The following ASPG variants were observed in gnomAD, a reference collection of about 807,000 sequenced individuals.
ASPG encodes asparaginase, also known as 60 kDa lysophospholipase.
ASPG carries 53 observed loss-of-function variants against 63.2 expected under a neutral mutation model. The observed-to-expected ratio is 0.84, with a 90% CI of 0.67 to 1.05. The LOEUF (loss-of-function observed/expected upper bound fraction) is 1.05, where lower values mean the gene tolerates loss of function less well. ASPG is among the 50% of genes least tolerant of loss of function. ASPG has a pLI of 0.00. For missense variants in ASPG, 741 were observed against 794.4 expected, an observed-to-expected ratio of 0.93 and a Z score of 0.81; for synonymous variants, 370 against 355.0, an observed-to-expected ratio of 1.04 and a Z score of -0.48.
rs1183822211 is a variant in ASPG at position 104,111,919 on chromosome 14, G to A, written c.1621-1G>A. 7 of 1,553,202 alleles carry A rather than the reference G, an allele frequency of 4.5e-6. No homozygotes were observed. Among genetic ancestry groups the A allele is most frequent in the Non-Finnish European group, 6.1e-6 (7 of 1,148,092 alleles). Reference sequence around the variant, plus strand: ...AGCCCCTCCCCACTGCTTCCCCATAGGCAGAGGCAGCCGGGAACCTGGCAG... The same window carrying A: ...AGCCCCTCCCCACTGCTTCCCCATAAGCAGAGGCAGCCGGGAACCTGGCAG... On this transcript the variant is annotated splice_acceptor_variant, in intron 14 of 15. Transcript: ENST00000551177. LOFTEE classifies it high-confidence loss of function.
chr14:104,115,175 TC>T lies in ASPG; in HGVS notation c.*2633del, dbSNP rs1596120592. The T allele has an allele frequency of 6.6e-6, 1 of 152,198 alleles. No homozygotes were observed. Among genetic ancestry groups the T allele is most frequent in the East Asian group, 1.9e-4 (1 of 5,200 alleles). The allele number at this position is 152,198 out of a possible 1,614,324, so 9.4% of individuals were successfully genotyped here. ...AATCAGACTCCTCAGCTGAGGGCCC[TC>T]CAGGACCGCCCTTCCCCAGCTGGAG... On this transcript the variant is annotated 3_prime_UTR_variant, in exon 16 of 16. Transcript: ENST00000551177.
rs1279049003 is a variant in ASPG, at chr14:104,097,640, A to C, written c.513+3A>C. The C allele has an allele frequency of 1.3e-5, 21 of 1,560,814 alleles. No homozygotes were observed. Among genetic ancestry groups the C allele is most frequent in the Middle Eastern group, 1.8e-4 (1 of 5,624 alleles). On this transcript the variant is annotated splice_donor_region_variant and intron_variant, in intron 5 of 15. Transcript: ENST00000551177. ...CTGGCCAGTATGTGATCCCAGAGGTACCTGCCTGGTGCACGTGGAGGCGGG... is the reference window on the plus strand; with the variant it reads ...CTGGCCAGTATGTGATCCCAGAGGTCCCTGCCTGGTGCACGTGGAGGCGGG...
At chr14:104,111,371 A>G in intron 13 of ASPG, 131 bp from the exon 14 acceptor site, 1 of 1,023,342 alleles carries the variant, frequency 9.8e-7, no homozygotes, top group Non-Finnish European at 1.4e-6. Context: ...CCCCAGGACC[A>G]GGTCGCTGCT....
At position 104,104,289 on chromosome 14, in the gene ASPG, C is replaced by A; in HGVS notation, c.754-15C>A. The A allele has an allele frequency of 6.2e-7, 1 of 1,605,086 alleles. No individual in the cohort carries two copies. The highest frequency in any genetic ancestry group is 8.5e-7 in the Non-Finnish European group (1 of 1,175,016). ...GAGACCCTCACCATCCAGCCCCCAC[C>A]CCACCGCCCCACAGGTTCGGGCCTT... On this transcript the variant is annotated splice_polypyrimidine_tract_variant and intron_variant, in intron 7 of 15. Transcript: ENST00000551177.
chr14:104,098,653 C>T lies in ASPG; in HGVS notation c.514-200C>T, dbSNP rs564887286. ...GCCCCTGCAGGCTCCGGTTAGCCCA[C>T]GGGTAGGTGGCAGGGCAGGAAAGGG... is the stretch of plus-strand genomic sequence containing the variant. On this transcript the variant is annotated intron_variant, in intron 5 of 15. Coordinates refer to ENST00000551177, the MANE Select transcript of ASPG (RefSeq NM_001080464.3). 4.6e-5 allele frequency among the ~76,000 whole-genome samples: 7 copies of T among 152,174 alleles called. No individual in the cohort carries two copies. In the South Asian group the frequency reaches 1.0e-3, roughly 23 times the overall value.
chr14:104,097,973 G>C (rs1484955473), intron 5 of ASPG, among the ~76,000 whole-genome samples: 3 of 134,706 alleles, frequency 2.2e-5, no homozygotes, highest in Admixed American at 7.7e-5. Context: ...GAGGTTCTGC[G>C]TTAGAGATGC....
Position 104,103,822 on chromosome 14 carries a change from C to T in ASPG, c.753+147C>T, listed in dbSNP as rs529545307. 748 of 668,570 alleles carry T rather than the reference C, an allele frequency of 1.1e-3. 3 individuals carry two copies. Among genetic ancestry groups the T allele is most frequent in the Middle Eastern group, 2.1e-3 (5 of 2,414 alleles). The allele number at this position is 668,570 out of a possible 1,614,324, so 41.4% of individuals were successfully genotyped here. On this transcript the variant is annotated intron_variant, in intron 7 of 15. Coordinates refer to ENST00000551177, the MANE Select transcript of ASPG (RefSeq NM_001080464.3). ...TGTCTGCAGTGTGGCCCCACCAGCC[C>T]CAGGCCCTGTCCCCTGTCCTCCGTC...
intron 6 of ASPG, 56 bp downstream of exon 6, chr14:104,099,035 G>T: frequency 6.5e-7 from 1 of 1,528,984 alleles, no homozygotes; most frequent in Non-Finnish European, 8.8e-7. Context: ...CTGGGCGAGG[G>T]GCTGCTGCAG....
chr14:104,095,305 G>A (rs1379955382), intron 3 of ASPG, among the ~76,000 whole-genome samples: 1 of 152,210 alleles, frequency 6.6e-6, no homozygotes, highest in African/African-American at 2.4e-5. Context: ...CCTCAGCGTG[G>A]TGGGTGCACC....
chr14:104,104,392 A>C lies in ASPG; in HGVS notation c.842A>C (p.Gln281Pro). 1 of 1,612,632 alleles carries C rather than the reference A, an allele frequency of 6.2e-7. No homozygotes were observed. Residue 281 changes from glutamine to proline, a missense_variant, in exon 8 of 16, where the codon CAG becomes CCG. Gln to Pro is a moderately conservative substitution (Grantham distance 76, BLOSUM62 -1). Transcript: ENST00000551177. ...GNGPTKPDLL[Q>P]ELRVATERGL... ...GGACCCACCAAGCCCGACCTGCTGC[A>C]GGAGCTGCGGGTGGCCACCGAGCGC...
chr14:104,111,159 G>T (rs1473929060), intron 13 of ASPG: 2 of 985,310 alleles, frequency 2.0e-6, no homozygotes, highest in African/African-American at 3.5e-5. Context: ...TCATGTGTGT[G>T]TGCACATATG....
At chr14:104,105,120 C>T in intron 9 of ASPG, 1 of 744,786 alleles carries the variant, frequency 1.3e-6, no homozygotes, top group Non-Finnish European at 2.1e-6. Flanking sequence ...TTTGGGGCCC[C>T]TGGAGACCCT....
At chr14:104,098,831 C>G (rs964503587) in intron 5 of ASPG, 22 bp from the exon 6 acceptor site, 14 of 1,610,752 alleles carry the variant, frequency 8.7e-6, no homozygotes, top group South Asian at 4.4e-5. Context: ...CTGCTCTGAA[C>G]TCTGTCGCTC....
chr14:104,110,102 G>A lies in ASPG; in HGVS notation c.1520+787G>A. On this transcript the variant is annotated intron_variant, in intron 13 of 15. Transcript: ENST00000551177. The surrounding 1 kb of genome is among the most constrained non-coding windows in gnomAD (Gnocchi z 4.7). ...CCCAGCCTGGGCTGCCCGAGGCCAG[G>A]ACGACTCCGAGGGACCCAAAAAGGA... The A allele has an allele frequency of 2.0e-6, 2 of 985,366 alleles. No homozygotes were observed. Among genetic ancestry groups the A allele is most frequent in the Non-Finnish European group, 2.4e-6 (2 of 829,910 alleles). 61.0% of individuals were successfully genotyped at this position (985,366 alleles called of 1,614,324 possible). A position where few individuals can be genotyped will look rare whatever the true frequency, so the allele number is the denominator to read the frequency against.
In ASPG at chr14:104,091,549, TTCACG is replaced by T. The variant is rs1566823419; in HGVS notation, c.83-1083_83-1079del. Among the ~76,000 whole-genome samples the T allele has an allele frequency of 6.6e-6, 1 of 152,004 alleles. No individual in the cohort carries two copies. The highest frequency in any genetic ancestry group is 1.5e-5 in the Non-Finnish European group (1 of 67,984). On this transcript the variant is annotated intron_variant, in intron 1 of 15. Coordinates refer to ENST00000551177, the MANE Select transcript of ASPG (RefSeq NM_001080464.3). This position sits in a 1 kb window ranked among gnomAD's most constrained non-coding sequence, Gnocchi z 6.4. Reference sequence around the variant, plus strand: ...AGGAGGATCACGGGTGCCATAAACCTTCACGGGGCCAAGGGCTGGTGTCCCGGGGC... The same window carrying T: ...AGGAGGATCACGGGTGCCATAAACCTGGGCCAAGGGCTGGTGTCCCGGGGC...
Position 104,109,256 on chromosome 14 carries a change from G to C in ASPG, c.1461G>C (p.Arg487=). Residue 487 remains arginine, a synonymous_variant, in exon 13 of 16, where the codon CGG becomes CGC. Transcript: ENST00000551177. This position sits in a 1 kb window ranked among gnomAD's most constrained non-coding sequence, Gnocchi z 4.8. The part of the protein sequence containing the change: ...GRHPGVIGLL[R]EAGASLSTQE... ...ATCCGGGTGTCATTGGGTTGCTGCGGGAAGCCGGGGCCTCCCTGTCCACCC... is the reference window on the plus strand; with the variant it reads ...ATCCGGGTGTCATTGGGTTGCTGCGCGAAGCCGGGGCCTCCCTGTCCACCC... 6.2e-7 allele frequency: 1 copy of C among 1,613,316 alleles called. No homozygotes were observed. The highest frequency in any genetic ancestry group is 8.5e-7 in the Non-Finnish European group (1 of 1,179,808).
chr14:104,097,444 C>T (rs555812697), intron 4 of ASPG, 110 bp from the exon 5 acceptor site: 31 of 1,108,804 alleles, frequency 2.8e-5, no homozygotes, highest in Non-Finnish European at 3.8e-5. Flanking sequence ...CTTTCCCACA[C>T]CCGCCTGGGG....
intron 5 of ASPG, among the ~76,000 whole-genome samples, chr14:104,098,370 C>T (rs201757972): frequency 2.6e-5 from 4 of 152,270 alleles, no homozygotes; most frequent in East Asian, 1.9e-4. Context: ...TCTCCCCCAC[C>T]CTGGGGCAGT....
At chr14:104,107,768 C>T (rs1435956906) in intron 12 of ASPG, among the ~76,000 whole-genome samples, 3 of 152,246 alleles carry the variant, frequency 2.0e-5, no homozygotes, top group Non-Finnish European at 4.4e-5. Context: ...GGTGTCTCTT[C>T]CCAAAGTCCA....
Sources: allele counts gnomAD v4.1 joint callset (sites outside exome capture counted in the v4.1 genomes callset), GRCh38; gene constraint gnomAD v4.1.1; non-coding constraint Gnocchi (gnomAD v3.1); transcripts MANE v1.5; gene names NCBI Gene and HGNC (gene_info 2026-07-23, HGNC 2026-07-21).